The following SND1 variants were observed in gnomAD, a reference collection of about 807,000 sequenced individuals.
The protein encoded by SND1 is staphylococcal nuclease domain-containing protein 1.
SND1 carries 38 observed loss-of-function variants against 121.7 expected under a neutral mutation model. The observed-to-expected ratio is 0.31, with a 90% CI of 0.24 to 0.41. SND1 has a LOEUF of 0.41. SND1 is among the 10% of genes least tolerant of loss of function. The probability of loss-of-function intolerance (pLI) is 1.00; values close to 1 mark genes in which losing one functional copy is unlikely to be tolerated. For missense variants in SND1, 868 were observed against 1,184.6 expected (o/e 0.73, Z 3.92); for synonymous variants, 401 against 447.4 (o/e 0.90, Z 1.31).
At chr7:127,958,288 A>G (rs534437428) in intron 15 of SND1, among the ~76,000 whole-genome samples, 4 of 152,204 alleles carry the variant, frequency 2.6e-5, no homozygotes, top group African/African-American at 4.8e-5. Context: ...ATGTTTACCA[A>G]TGCTGTTACG....
At chr7:127,832,460 T>C (rs1798758199) in intron 11 of SND1, among the ~76,000 whole-genome samples, 1 of 152,158 alleles carries the variant, frequency 6.6e-6, no homozygotes, top group Non-Finnish European at 1.5e-5. Context: ...ATTCAGCAAC[T>C]AGAGAAGTAG....
chr7:127,695,674 A>G (rs1795993395), intron 3 of SND1, among the ~76,000 whole-genome samples: 1 of 152,104 alleles, frequency 6.6e-6, no homozygotes. Flanking sequence ...TTCTATGGAA[A>G]AATTAGCCAG....
intron 12 of SND1, among the ~76,000 whole-genome samples, chr7:127,855,044 T>G (rs879222293): frequency 6.6e-6 from 1 of 151,738 alleles, no homozygotes; most frequent in Admixed American, 6.6e-5. Context: ...ATATAAAATT[T>G]AGAAGCAGAA....
intron 10 of SND1, among the ~76,000 whole-genome samples, chr7:127,785,747 A>G (rs1797801357): frequency 6.6e-6 from 1 of 152,234 alleles, no homozygotes; most frequent in African/African-American, 2.4e-5. Flanking sequence ...GGCTACCAAA[A>G]TGGTATTTAA....
intron 10 of SND1, among the ~76,000 whole-genome samples, chr7:127,752,799 T>C (rs1324150479): frequency 6.6e-6 from 1 of 152,218 alleles, no homozygotes; most frequent in Non-Finnish European, 1.5e-5. Context: ...TCTCCAAATA[T>C]TGTTCTTTTG....
At chr7:128,071,765 TTTGA>T (rs1373378267) in intron 16 of SND1, among the ~76,000 whole-genome samples, 1 of 151,846 alleles carries the variant, frequency 6.6e-6, no homozygotes. Context: ...AGTGCCTTTG[TTTGA>T]TTGAGAAATT....
At chr7:128,086,684 T>C in intron 20 of SND1, 1 of 569,130 alleles carries the variant, frequency 1.8e-6, no homozygotes, top group Non-Finnish European at 3.2e-6. Context: ...GCGATTGTTT[T>C]CATGGGAACC....
At chr7:128,071,630 C>T (rs760365648) in intron 16 of SND1, among the ~76,000 whole-genome samples, 8 of 152,174 alleles carry the variant, frequency 5.3e-5, no homozygotes, top group East Asian at 1.9e-4. Flanking sequence ...TTTCAATCTC[C>T]GTAATTCTCC....
chr7:128,026,562 G>A (rs893410337), intron 16 of SND1, among the ~76,000 whole-genome samples: 3 of 152,186 alleles, frequency 2.0e-5, no homozygotes, highest in African/African-American at 7.2e-5. Flanking sequence ...TAAGCATCAG[G>A]AGACAGACAC....
rs1417426442 is a variant in SND1 at position 127,721,293 on chromosome 7, C to A, written c.1045C>A (p.Gln349Lys). The A allele has an allele frequency of 1.2e-6, 2 of 1,612,534 alleles. No individual in the cohort carries two copies. The highest frequency in any genetic ancestry group is 2.2e-5 in the South Asian group (2 of 91,036). ...KDKQFVAKVM[Q>K]VLNADAIVVK... ...TGTTCCTTTTTGCTCACAGGTGATGCAGGTTCTGAATGCTGATGCCATTGT... is the reference window on the plus strand; with the variant it reads ...TGTTCCTTTTTGCTCACAGGTGATGAAGGTTCTGAATGCTGATGCCATTGT... Residue 349 changes from glutamine (Q) to lysine (K), a missense_variant, in exon 10 of 24, where the codon CAG becomes AAG. Gln to Lys is a moderately conservative substitution (Grantham distance 53, BLOSUM62 1). Coordinates refer to ENST00000354725, the MANE Select transcript of SND1 (RefSeq NM_014390.4).
rs183974837 is a variant in SND1, at chr7:127,831,648, A to G, written c.1243-12676A>G. On this transcript the variant is annotated intron_variant, in intron 11 of 23. Coordinates refer to ENST00000354725, the MANE Select transcript of SND1 (RefSeq NM_014390.4). ...GGTTGGCAGACATTACTGAGCAGTGACCGTGGCCTCAGTGTGGGAACTATT... is the reference window on the plus strand; with the variant it reads ...GGTTGGCAGACATTACTGAGCAGTGGCCGTGGCCTCAGTGTGGGAACTATT... Among the ~76,000 whole-genome samples, 117 of 152,312 alleles carry G rather than the reference A, an allele frequency of 7.7e-4. 1 individual carries two copies. Among genetic ancestry groups the G allele is most frequent in the Admixed American group, 7.6e-3 (116 of 15,300 alleles).
Position 127,852,741 on chromosome 7 carries a change from G to T in SND1, c.1343+8317G>T, listed in dbSNP as rs191117034. Among the ~76,000 whole-genome samples, 777 of 151,898 alleles carry T rather than the reference G, an allele frequency of 5.1e-3. 3 individuals carry two copies. The highest frequency in any genetic ancestry group is 0.017 in the Middle Eastern group (5 of 294). The stretch of plus-strand genomic sequence containing the variant: ...TGGTATAATCACTCAAACCCAGGAG[G>T]CGGAGGTTGCAGTGAGCCGAGAACA... On this transcript the variant is annotated intron_variant, in intron 12 of 23. Transcript: ENST00000354725.
intron 10 of SND1, among the ~76,000 whole-genome samples, chr7:127,767,849 TG>T (rs1261757478): frequency 2.6e-5 from 4 of 152,224 alleles, no homozygotes; most frequent in Admixed American, 2.6e-4. Context: ...CAGACATATA[TG>T]GTATATCAGT....
intron 12 of SND1, among the ~76,000 whole-genome samples, chr7:127,868,700 A>G (rs893906227): frequency 3.3e-5 from 5 of 152,208 alleles, no homozygotes; most frequent in Admixed American, 6.5e-5. Flanking sequence ...CTCAAGTTTC[A>G]TCTTACTAAA....
At chr7:127,759,173 G>A (rs564451460) in intron 10 of SND1, among the ~76,000 whole-genome samples, 2 of 152,086 alleles carry the variant, frequency 1.3e-5, no homozygotes, top group Non-Finnish European at 2.9e-5. Context: ...CAAATGAATC[G>A]ATAAGAATCG....
chr7:128,069,211 A>C (rs1284400172), intron 16 of SND1, among the ~76,000 whole-genome samples: 1 of 152,134 alleles, frequency 6.6e-6, no homozygotes, highest in Non-Finnish European at 1.5e-5. Flanking sequence ...AGTCAGGGAG[A>C]ATAAAGGAGC....
At chr7:128,050,096 C>G (rs1204323832) in intron 16 of SND1, among the ~76,000 whole-genome samples, 1 of 152,182 alleles carries the variant, frequency 6.6e-6, no homozygotes, top group Non-Finnish European at 1.5e-5. Context: ...CATGCAAGCA[C>G]TCGCTTACAT....
chr7:127,922,199 T>TTTTTTTTTTTTTTTTTCTTTTTTTTTTG (rs1554443300), intron 14 of SND1, among the ~76,000 whole-genome samples: 1 of 93,500 alleles, frequency 1.1e-5, no homozygotes, highest in Non-Finnish European at 2.1e-5. Context: ...TTTTTTTTTT[T>TTTTTTTTTTTTTTTTTCTTTTTTTTTTG]TTTTGTTTTG....
At chr7:128,088,124 AG>A (rs1438797134) in intron 21 of SND1, among the ~76,000 whole-genome samples, 1 of 152,186 alleles carries the variant, frequency 6.6e-6, no homozygotes. Context: ...AAAATGCTGA[AG>A]GCAAGTATCA....
Sources: allele counts gnomAD v4.1 joint callset (sites outside exome capture counted in the v4.1 genomes callset), GRCh38; gene constraint gnomAD v4.1.1; transcripts MANE v1.5; gene names NCBI Gene and HGNC (gene_info 2026-07-23, HGNC 2026-07-21).